The following IQSEC2 variants were observed in gnomAD, a reference collection of about 807,000 sequenced individuals.
IQSEC2 encodes IQ motif and SEC7 domain-containing protein 2.
In IQSEC2, 6 loss-of-function variants were observed where a neutral mutation model predicts 74.6. That is an observed-to-expected ratio of 0.08 (90% confidence interval 0.04 to 0.16). IQSEC2 has a LOEUF of 0.16. Ranked by LOEUF, IQSEC2 falls within the 10% of genes least tolerant of loss-of-function variation. The pLI, the probability that IQSEC2 is intolerant of heterozygous loss-of-function variation, is 1.00. For missense variants in IQSEC2, 734 were observed against 1,306.2 expected (o/e 0.56, Z 6.75); for synonymous variants, 494 against 544.5 (o/e 0.91, Z 1.29).
At chrX:53,275,167 T>C (rs185977776) in intron 2 of IQSEC2, among the ~76,000 whole-genome samples, 88 of 110,857 alleles carry the variant, frequency 7.9e-4, no homozygotes, top group African/African-American at 2.8e-3. Context: ...TGGCTTTTTT[T>C]TTCTTCTTTT....
rs948180221 is a variant in IQSEC2 at position 53,272,896 on chromosome X, T to C, written c.738-16835A>G. ...CAATTCAATGCTACACAGTTGGCTA[T>C]GAGGAAAACAAGACACAGGTAGTCC... On this transcript the variant is annotated intron_variant, in intron 2 of 14. Transcript: ENST00000642864. Among the ~76,000 whole-genome samples the C allele has an allele frequency of 5.4e-5, 6 of 111,667 alleles. No homozygotes were observed. In the East Asian group the frequency reaches 8.5e-4, roughly 16 times the overall value.
intron 9 of IQSEC2, among the ~76,000 whole-genome samples, chrX:53,242,306 C>T (rs1271575700): frequency 9.3e-6 from 1 of 107,836 alleles, no homozygotes; most frequent in Admixed American, 9.9e-5. Flanking sequence ...TGGTGGTGGG[C>T]GCCTGCAATC....
At chrX:53,251,714 C>T (rs1556863744) in intron 4 of IQSEC2, among the ~76,000 whole-genome samples, 4 of 112,063 alleles carry the variant, frequency 3.6e-5, no homozygotes, top group Non-Finnish European at 5.6e-5. Flanking sequence ...GTCTGTGTGA[C>T]AAACAGCATA....
intron 2 of IQSEC2, among the ~76,000 whole-genome samples, chrX:53,276,687 T>C (rs1189196621): frequency 4.5e-5 from 5 of 112,343 alleles, no homozygotes; most frequent in Admixed American, 9.4e-5. Flanking sequence ...TGGTTTCTGA[T>C]AAAAATTCTT....
At chrX:53,291,636 C>A (rs1261517779) in intron 2 of IQSEC2, among the ~76,000 whole-genome samples, 8 of 111,169 alleles carry the variant, frequency 7.2e-5, no homozygotes, top group African/African-American at 2.6e-4. Context: ...CTCCTATGAG[C>A]CCCTATGGTG....
intron 12 of IQSEC2, 100 bp from the exon 13 acceptor site, chrX:53,236,595 C>T: frequency 2.2e-6 from 2 of 908,025 alleles, no homozygotes; most frequent in Non-Finnish European, 3.1e-6. Context: ...CCTTCCTCCT[C>T]CCTCCTCCCT....
intron 2 of IQSEC2, among the ~76,000 whole-genome samples, chrX:53,268,068 G>T (rs1261751499): frequency 8.9e-6 from 1 of 111,901 alleles, no homozygotes; most frequent in Non-Finnish European, 1.9e-5. Context: ...GCATTCACTG[G>T]TGCTGGGCTA....
At chrX:53,316,979 G>A (rs782672878) in intron 1 of IQSEC2, among the ~76,000 whole-genome samples, 7 of 111,032 alleles carry the variant, frequency 6.3e-5, no homozygotes, top group South Asian at 7.7e-4. Context: ...GCCCACCACC[G>A]CCTACAGCAG....
chrX:53,315,720 CTAT>C (rs1569339297), intron 1 of IQSEC2, among the ~76,000 whole-genome samples: 1 of 112,348 alleles, frequency 8.9e-6, no homozygotes, highest in Non-Finnish European at 1.9e-5. Context: ...AAAATGTTAG[CTAT>C]TATTACATAA....
chrX:53,292,791 A>G (rs781816205), intron 1 of IQSEC2, among the ~76,000 whole-genome samples: 104 of 111,558 alleles, frequency 9.3e-4, no homozygotes, highest in African/African-American at 3.3e-3. Flanking sequence ...ACGTGTGTGT[A>G]TGTGCGCGCG....
At chrX:53,282,309 T>C (rs192067566) in intron 2 of IQSEC2, among the ~76,000 whole-genome samples, 8 of 113,147 alleles carry the variant, frequency 7.1e-5, no homozygotes, top group Admixed American at 3.7e-4. Flanking sequence ...AAAAGGGTCT[T>C]ACTAAAGTTC....
At chrX:53,257,352 G>A (rs928296572) in intron 2 of IQSEC2, among the ~76,000 whole-genome samples, 6 of 112,591 alleles carry the variant, frequency 5.3e-5, no homozygotes, top group Admixed American at 2.8e-4. Flanking sequence ...TGAAGGCTGC[G>A]CCCACGAGGC....
chrX:53,277,404 A>G (rs1427016229), intron 2 of IQSEC2, among the ~76,000 whole-genome samples: 8 of 109,696 alleles, frequency 7.3e-5, no homozygotes, highest in African/African-American at 2.7e-4. Flanking sequence ...TATTTTTAGT[A>G]GAGACGGGGT....
intron 1 of IQSEC2, among the ~76,000 whole-genome samples, chrX:53,303,756 G>A (rs1407883006): frequency 2.8e-5 from 3 of 108,733 alleles, no homozygotes; most frequent in East Asian, 5.7e-4. Context: ...AGCCCAGATC[G>A]TGCCACTTGA....
At chrX:53,244,024 C>T (rs1556861529) in intron 8 of IQSEC2, among the ~76,000 whole-genome samples, 1 of 110,136 alleles carries the variant, frequency 9.1e-6, no homozygotes, top group African/African-American at 3.3e-5. Flanking sequence ...TCAAGACCAT[C>T]CTGGCCAACA....
chrX:53,306,425 A>G (rs1040711022), intron 1 of IQSEC2, among the ~76,000 whole-genome samples: 1 of 111,102 alleles, frequency 9.0e-6, no homozygotes, highest in African/African-American at 3.3e-5. Flanking sequence ...TCCATGGTCT[A>G]GGCAGCAGAG....
chrX:53,307,380 G>A (rs1433882749), intron 1 of IQSEC2, among the ~76,000 whole-genome samples: 20 of 93,390 alleles, frequency 2.1e-4, no homozygotes, highest in Admixed American at 1.9e-3. Flanking sequence ...GGGCTCAAGC[G>A]ATCCTCCCGC....
In IQSEC2 at chrX:53,254,591, A is replaced by G; in HGVS notation, c.1340T>C (p.Val447Ala). 8.4e-7 allele frequency: 1 copy of G among 1,191,865 alleles called. No homozygotes were observed. The highest frequency in any genetic ancestry group is 1.1e-6 in the Non-Finnish European group (1 of 886,254). Residue 447 changes from valine to alanine, a missense_variant, in exon 4 of 15, where the codon GTC becomes GCC. Val to Ala is a moderately conservative substitution (Grantham distance 64, BLOSUM62 0). Around this residue, in one of 12 missense-constraint regions of IQSEC2, gnomAD observed 204 missense variants for 305.4 expected, o/e 0.67. Coordinates refer to ENST00000642864, the MANE Select transcript of IQSEC2 (RefSeq NM_001111125.3). Reference protein sequence around the residue: ...GGGIDGGGSSVTTSGEFSNDI... With the variant: ...GGGIDGGGSSATTSGEFSNDI... ...ATTAGAAAACTCTCCAGATGTGGTG[A>G]CGGAGCTTCCACCACCATCGATGCC...
intron 2 of IQSEC2, among the ~76,000 whole-genome samples, chrX:53,289,115 C>T (rs1397845638): frequency 3.9e-5 from 4 of 103,657 alleles, no homozygotes; most frequent in Non-Finnish European, 7.5e-5. Flanking sequence ...CCATAAAAGC[C>T]CAGGCCTAGC....
Sources: allele counts gnomAD v4.1 joint callset (sites outside exome capture counted in the v4.1 genomes callset), GRCh38; gene constraint gnomAD v4.1.1; regional missense constraint gnomAD v4.1.1; transcripts MANE v1.5; gene names NCBI Gene and HGNC (gene_info 2026-07-23, HGNC 2026-07-21).